The following MACF1 variants were observed in gnomAD, a reference collection of about 807,000 sequenced individuals.
MACF1 encodes microtubule actin crosslinking factor 1, also known as microtubule-actin cross-linking factor 1.
A neutral mutation model predicts 854.8 loss-of-function variants in MACF1; 193 were observed. That is an observed-to-expected ratio of 0.23 (90% CI 0.20 to 0.25). The LOEUF (loss-of-function observed/expected upper bound fraction) is 0.25, where lower values mean the gene tolerates loss of function less well. Among genes scored for constraint, MACF1 ranks in the 10% least tolerant of loss-of-function variants. The pLI is 1.00. For missense variants in MACF1, 7,722 were observed against 8,929.1 expected (o/e 0.86, Z 5.45); for synonymous variants, 3,185 against 3,226.7 (o/e 0.99, Z 0.44).
At chr1:39,403,470 G>T (rs549374353) in intron 58 of MACF1, among the ~76,000 whole-genome samples, 1 of 152,112 alleles carries the variant, frequency 6.6e-6, no homozygotes, top group East Asian at 1.9e-4. Flanking sequence ...CACATGGGTC[G>T]TTTTTTAGTA....
At chr1:39,322,221 C>T (rs1162115208) in intron 31 of MACF1, among the ~76,000 whole-genome samples, 5 of 152,298 alleles carry the variant, frequency 3.3e-5, no homozygotes, top group South Asian at 2.1e-4. Context: ...GCAACTAAGG[C>T]GTGAGCAAAC....
intron 2 of MACF1, among the ~76,000 whole-genome samples, chr1:39,157,109 A>G (rs1643706796): frequency 6.6e-6 from 1 of 152,018 alleles, no homozygotes; most frequent in Admixed American, 6.6e-5. Flanking sequence ...AGCCAGGACT[A>G]CAGTCATGGG....
intron 58 of MACF1, among the ~76,000 whole-genome samples, chr1:39,402,518 T>G (rs1203161614): frequency 6.6e-6 from 1 of 152,116 alleles, no homozygotes; most frequent in African/African-American, 2.4e-5. Context: ...CTTGTGAAAT[T>G]AGTTGCCTCA....
chr1:39,422,466 C>T lies in MACF1; in HGVS notation c.15909C>T (p.Asp5303=), dbSNP rs1570013817. 6.2e-7 allele frequency: 1 copy of T among 1,613,984 alleles called. No individual in the cohort carries two copies. The highest frequency in any genetic ancestry group is 8.5e-7 in the Non-Finnish European group (1 of 1,179,928). The change falls in exon 59 of 101, where the codon GAC becomes GAT. Residue 5303 remains aspartate, a synonymous_variant. Coordinates refer to ENST00000564288, the MANE Select transcript of MACF1 (RefSeq NM_001394062.1). ...GQGLIQSAGK[D]CDVQGLEHDM... ...GATTAATTCAGAGTGCAGGAAAAGA[C>T]TGTGATGTACAGGGTTTAGAACATG...
chr1:39,350,440 T>C (rs1647154760), intron 42 of MACF1, among the ~76,000 whole-genome samples: 1 of 152,152 alleles, frequency 6.6e-6, no homozygotes, highest in Admixed American at 6.5e-5. Context: ...TAAGGAGTGA[T>C]ACCCAAGAGA....
At chr1:39,268,477 T>A in intron 6 of MACF1, 1 of 1,116,794 alleles carries the variant, frequency 9.0e-7, no homozygotes, top group Non-Finnish European at 1.1e-6. Flanking sequence ...GCTTTGAATT[T>A]GTCTTGTTGC....
At chr1:39,241,024 A>C (rs1265020475) in intron 2 of MACF1, among the ~76,000 whole-genome samples, 1 of 151,990 alleles carries the variant, frequency 6.6e-6, no homozygotes, top group East Asian at 1.9e-4. Flanking sequence ...TTTCCAGAGT[A>C]AAGAAGTCTA....
At chr1:39,212,689 C>G (rs977000042) in intron 1 of MACF1, among the ~76,000 whole-genome samples, 3 of 152,294 alleles carry the variant, frequency 2.0e-5, no homozygotes, top group East Asian at 1.9e-4. Flanking sequence ...GTGGCGCAAT[C>G]TCGGCTCACA....
At chr1:39,125,853 C>T (rs775348457) in intron 2 of MACF1, among the ~76,000 whole-genome samples, 27 of 152,104 alleles carry the variant, frequency 1.8e-4, no homozygotes, top group Non-Finnish European at 3.1e-4. Context: ...ATTAGCTGGG[C>T]GTGGTGGCAT....
At chr1:39,215,672 C>G (rs1056145856) in intron 1 of MACF1, among the ~76,000 whole-genome samples, 6 of 151,950 alleles carry the variant, frequency 3.9e-5, no homozygotes, top group African/African-American at 1.5e-4. Flanking sequence ...TTTATAGAGA[C>G]TGAATTCATG....
intron 1 of MACF1, among the ~76,000 whole-genome samples, chr1:39,225,342 G>A (rs966421179): frequency 2.0e-5 from 3 of 148,930 alleles, no homozygotes; most frequent in African/African-American, 7.4e-5. Flanking sequence ...TCAGCCTCCC[G>A]AGTAGCTGGG....
chr1:39,388,244 A>G lies in MACF1; in HGVS notation c.15402A>G (p.Gln5134=), dbSNP rs756036952. 1.2e-6 allele frequency: 2 copies of G among 1,614,192 alleles called. No individual in the cohort carries two copies. Among genetic ancestry groups the G allele is most frequent in the East Asian group, 4.5e-5 (2 of 44,882 alleles). ...FHCRVREMFS[Q]LADLDDELDG... ...GCCGGGTCCGAGAGATGTTCTCTCA[A>G]TTGGCAGACCTGGATGATGAGCTAG... The change falls in exon 58 of 101, where the codon CAA becomes CAG. Residue 5134 remains glutamine, a synonymous_variant. Coordinates refer to ENST00000564288, the MANE Select transcript of MACF1 (RefSeq NM_001394062.1).
At chr1:39,092,842 G>A (rs530255229) in intron 2 of MACF1, among the ~76,000 whole-genome samples, 1 of 151,434 alleles carries the variant, frequency 6.6e-6, no homozygotes, top group Non-Finnish European at 1.5e-5. Context: ...AGAGTGCTGT[G>A]GTGCCATCTC....
chr1:39,268,116 C>G (rs1341783397), intron 6 of MACF1, among the ~76,000 whole-genome samples: 1 of 152,184 alleles, frequency 6.6e-6, no homozygotes, highest in Non-Finnish European at 1.5e-5. Context: ...TGCAGCTTCA[C>G]CAGGCTTGGT....
At chr1:39,196,359 A>C (rs2148255097) in intron 2 of MACF1, among the ~76,000 whole-genome samples, 3 of 152,242 alleles carry the variant, frequency 2.0e-5, no homozygotes, top group Admixed American at 2.0e-4. Context: ...GGCCTTTGCA[A>C]GTTGTCTCAA....
intron 94 of MACF1, 77 bp downstream of exon 94, chr1:39,463,763 T>C: frequency 7.7e-7 from 1 of 1,293,034 alleles, no homozygotes; most frequent in Non-Finnish European, 1.1e-6. Context: ...CTCCTGATGC[T>C]TAGAGGCCCA....
intron 2 of MACF1, among the ~76,000 whole-genome samples, chr1:39,116,386 A>ATGTGTGTG (rs59572260): frequency 1.5e-3 from 228 of 150,380 alleles, no homozygotes; most frequent in Non-Finnish European, 2.5e-3. Context: ...GTGAGTGTGT[A>ATGTGTGTG]TGTGTGTGTG....
At chr1:39,275,437 A>G (rs762796871) in intron 6 of MACF1, among the ~76,000 whole-genome samples, 11 of 151,998 alleles carry the variant, frequency 7.2e-5, no homozygotes, top group South Asian at 2.1e-4. Flanking sequence ...AGCAGTGGCG[A>G]TTCACAGGTA....
At chr1:39,341,356 G>A (rs751309301) in intron 40 of MACF1, among the ~76,000 whole-genome samples, 3 of 151,458 alleles carry the variant, frequency 2.0e-5, no homozygotes, top group Non-Finnish European at 4.4e-5. Context: ...TAGAAAGTCT[G>A]ATTTTCCATT....
Sources: gnomAD v4.1 joint callset for allele counts (sites outside exome capture counted in the v4.1 genomes callset) on GRCh38, gnomAD v4.1.1 for gene constraint, MANE v1.5 for transcripts, NCBI Gene and HGNC (gene_info 2026-07-23, HGNC 2026-07-21) for gene names.